DOCK3: variants seen among roughly 807,000 people sequenced by gnomAD.
DOCK3 encodes dedicator of cytokinesis 3.
DOCK3 carries 60 observed loss-of-function variants against 265.6 expected under a neutral mutation model. The observed-to-expected ratio is 0.23, with a 90% CI of 0.18 to 0.28. The LOEUF (loss-of-function observed/expected upper bound fraction) is 0.28. DOCK3 is among the 10% of genes least tolerant of loss of function. The pLI is 1.00. For synonymous variants in DOCK3, 881 were observed against 938.0 expected, an observed-to-expected ratio of 0.94 and a Z score of 1.11; for missense variants, 1,981 against 2,594.3, an observed-to-expected ratio of 0.76 and a Z score of 5.14.
intron 3 of DOCK3, among the ~76,000 whole-genome samples, chr3:50,879,309 C>G (rs1051791599): frequency 6.6e-6 from 1 of 152,140 alleles, no homozygotes; most frequent in Admixed American, 6.6e-5. Flanking sequence ...GGGCTAACTG[C>G]TCCAATTGAA....
At chr3:51,114,812 A>C (rs2083663478) in intron 9 of DOCK3, among the ~76,000 whole-genome samples, 2 of 150,854 alleles carry the variant, frequency 1.3e-5, no homozygotes, top group African/African-American at 2.4e-5. Context: ...TTGCCCCCCA[A>C]CCCCCAACAG....
At chr3:50,988,675 CTTTGCCGT>C (rs973910331) in intron 5 of DOCK3, among the ~76,000 whole-genome samples, 1 of 152,206 alleles carries the variant, frequency 6.6e-6, no homozygotes, top group African/African-American at 2.4e-5. Context: ...AGGCTGCCAT[CTTTGCCGT>C]TTTGCAGCCG....
chr3:50,899,853 G>A (rs2049086518), intron 4 of DOCK3, among the ~76,000 whole-genome samples: 1 of 151,770 alleles, frequency 6.6e-6, no homozygotes. Flanking sequence ...CTGTTAGTCT[G>A]ATAGGCTTCC....
At chr3:51,063,533 T>C (rs977737383) in intron 5 of DOCK3, among the ~76,000 whole-genome samples, 1 of 152,202 alleles carries the variant, frequency 6.6e-6, no homozygotes, top group African/African-American at 2.4e-5. Flanking sequence ...GCAAACATCT[T>C]TTTTAGGGTA....
chr3:51,000,174 T>C (rs1008859580), intron 5 of DOCK3, among the ~76,000 whole-genome samples: 4 of 152,236 alleles, frequency 2.6e-5, no homozygotes, highest in African/African-American at 9.6e-5. Flanking sequence ...TTGAATGGCC[T>C]GTTACATGTT....
intron 49 of DOCK3, among the ~76,000 whole-genome samples, chr3:51,363,779 T>C (rs2086915973): frequency 6.6e-6 from 1 of 152,192 alleles, no homozygotes; most frequent in African/African-American, 2.4e-5. Context: ...GAATGATGGA[T>C]TCCAGCTTCA....
At chr3:51,266,746 C>G (rs1371531510) in intron 23 of DOCK3, among the ~76,000 whole-genome samples, 2 of 152,140 alleles carry the variant, frequency 1.3e-5, no homozygotes, top group Non-Finnish European at 2.9e-5. Flanking sequence ...CTAGGCAATA[C>G]CATTCAGGAC....
At chr3:50,978,632 ACAGAGG>A (rs2077566831) in intron 5 of DOCK3, among the ~76,000 whole-genome samples, 2 of 152,268 alleles carry the variant, frequency 1.3e-5, no homozygotes, top group Admixed American at 1.3e-4. Context: ...GGTGGAGCCT[ACAGAGG>A]CAGGCAGGCC....
chr3:51,353,489 G>T (rs1054090159), intron 40 of DOCK3, among the ~76,000 whole-genome samples: 1 of 152,196 alleles, frequency 6.6e-6, no homozygotes, highest in Non-Finnish European at 1.5e-5. Flanking sequence ...CCAGATACCT[G>T]TAATCCCAGT....
intron 22 of DOCK3, among the ~76,000 whole-genome samples, chr3:51,253,453 T>C (rs1192585523): frequency 2.0e-5 from 3 of 152,182 alleles, no homozygotes; most frequent in Non-Finnish European, 4.4e-5. Context: ...CAGCTCCTCT[T>C]TATACCTCTG....
chr3:51,216,739 G>C (rs1236475977), intron 14 of DOCK3, among the ~76,000 whole-genome samples: 1 of 152,160 alleles, frequency 6.6e-6, no homozygotes, highest in Admixed American at 6.5e-5. Flanking sequence ...GTACCTGCAG[G>C]TCCTATTGGA....
intron 5 of DOCK3, among the ~76,000 whole-genome samples, chr3:51,013,157 G>A (rs899527182): frequency 1.3e-5 from 2 of 152,152 alleles, no homozygotes; most frequent in South Asian, 2.1e-4. Context: ...CTGTCACCTT[G>A]TCAAAGTTGT....
At chr3:51,252,571 C>T (rs1265596622) in intron 22 of DOCK3, among the ~76,000 whole-genome samples, 1 of 152,138 alleles carries the variant, frequency 6.6e-6, no homozygotes, top group Admixed American at 6.5e-5. Context: ...TTGAAGAGGT[C>T]CTTCGCATCC....
chr3:50,694,735 G>A (rs6768539), intron 1 of DOCK3, among the ~76,000 whole-genome samples: 2 of 152,002 alleles, frequency 1.3e-5, no homozygotes, highest in Non-Finnish European at 2.9e-5. Flanking sequence ...CACTTGAACC[G>A]GGGAGGTGGA....
intron 3 of DOCK3, among the ~76,000 whole-genome samples, chr3:50,874,061 C>G (rs953040058): frequency 1.3e-4 from 14 of 104,566 alleles, no homozygotes; most frequent in East Asian, 8.9e-4. Context: ...TTTTTCTTTT[C>G]TTTTGTTTTT....
At chr3:51,270,695 C>A in intron 23 of DOCK3, 120 bp from the exon 24 acceptor site, 1 of 1,050,546 alleles carries the variant, frequency 9.5e-7, no homozygotes, top group Non-Finnish European at 1.3e-6. Flanking sequence ...AGGAGCCCAC[C>A]GAAGGCAGAG....
At chr3:50,907,019 T>C (rs1474793573) in intron 4 of DOCK3, among the ~76,000 whole-genome samples, 7 of 152,108 alleles carry the variant, frequency 4.6e-5, no homozygotes, top group South Asian at 4.1e-4. Flanking sequence ...ATGTACCCAG[T>C]AGTCATTCAG....
rs144651368 is a variant in DOCK3, at chr3:51,296,424, A to G, written c.2923-13808A>G. On this transcript the variant is annotated intron_variant, in intron 27 of 52. Transcript: ENST00000266037. ...TCAAGATTTGTACTAACATAAAGAT[A>G]GATACATAGATCAACAAAACTGGAG... Among the ~76,000 whole-genome samples the G allele has an allele frequency of 6.6e-5, 10 of 152,270 alleles. No homozygotes were observed. The East Asian group carries it at 1.9e-3, about 29-fold the overall frequency.
intron 3 of DOCK3, among the ~76,000 whole-genome samples, chr3:50,850,472 T>G (rs1378554083): frequency 6.6e-6 from 1 of 152,196 alleles, no homozygotes; most frequent in Non-Finnish European, 1.5e-5. Context: ...GAGGAATTCT[T>G]TATCTGTCAT....
Sources: gnomAD v4.1 joint callset for allele counts (sites outside exome capture counted in the v4.1 genomes callset) on GRCh38, gnomAD v4.1.1 for gene constraint, MANE v1.5 for transcripts, NCBI Gene and HGNC (gene_info 2026-07-23, HGNC 2026-07-21) for gene names.